The following PITPNC1 variants were observed in gnomAD, a reference collection of about 807,000 sequenced individuals.
The protein encoded by PITPNC1 is cytoplasmic phosphatidylinositol transfer protein 1.
PITPNC1 carries 18 observed loss-of-function variants against 44.7 expected under a neutral mutation model. The observed-to-expected ratio is 0.40, with a 90% CI of 0.28 to 0.60. The LOEUF (loss-of-function observed/expected upper bound fraction) is 0.60. Ranked by LOEUF, PITPNC1 falls within the 20% of genes least tolerant of loss-of-function variation. The probability of loss-of-function intolerance (pLI) is 0.39; values close to 1 mark genes in which losing one functional copy is unlikely to be tolerated. For synonymous variants in PITPNC1, 141 were observed against 149.6 expected, an observed-to-expected ratio of 0.94 and a Z score of 0.42; for missense variants, 290 against 418.4, an observed-to-expected ratio of 0.69 and a Z score of 2.68.
At chr17:67,602,671 G>T (rs2041556861) in intron 5 of PITPNC1, among the ~76,000 whole-genome samples, 1 of 152,146 alleles carries the variant, frequency 6.6e-6, no homozygotes. Context: ...TAGAAAGCAG[G>T]GGCCTGGAGG....
At chr17:67,529,344 G>A (rs1034759639) in intron 1 of PITPNC1, among the ~76,000 whole-genome samples, 1 of 152,142 alleles carries the variant, frequency 6.6e-6, no homozygotes, top group Non-Finnish European at 1.5e-5. Flanking sequence ...AGTGCCTGAA[G>A]ATGGTCCAGT....
chr17:67,433,910 CATAATAATA>C (rs368751732), intron 1 of PITPNC1, among the ~76,000 whole-genome samples: 4 of 151,092 alleles, frequency 2.6e-5, no homozygotes, highest in African/African-American at 9.7e-5. Context: ...TCCTCCTCCC[CATAATAATA>C]ATAATAATAA....
At chr17:67,384,499 C>T (rs1366481148) in intron 1 of PITPNC1, among the ~76,000 whole-genome samples, 2 of 151,750 alleles carry the variant, frequency 1.3e-5, no homozygotes, top group African/African-American at 2.4e-5. Flanking sequence ...GATCTCGGCT[C>T]ACTGCAAGCT....
intron 8 of PITPNC1, among the ~76,000 whole-genome samples, chr17:67,675,845 A>G (rs2042591361): frequency 6.6e-6 from 1 of 152,130 alleles, no homozygotes; most frequent in African/African-American, 2.4e-5. Flanking sequence ...TTTATCCCAA[A>G]CTTCAAGATC....
chr17:67,532,184 G>A (rs940916305), intron 1 of PITPNC1, among the ~76,000 whole-genome samples: 11 of 152,160 alleles, frequency 7.2e-5, no homozygotes, highest in Non-Finnish European at 1.2e-4. Flanking sequence ...GGAGAGGAGC[G>A]GCCTTCAGGG....
chr17:67,415,385 C>T (rs1442585752), intron 1 of PITPNC1, among the ~76,000 whole-genome samples: 1 of 152,188 alleles, frequency 6.6e-6, no homozygotes. Flanking sequence ...AGTTTCCTAA[C>T]AAGACGCACG....
At chr17:67,637,451 C>T (rs12948236) in intron 6 of PITPNC1, among the ~76,000 whole-genome samples, 63,983 of 151,778 alleles carry the variant, frequency 0.42, 16,220 homozygotes, top group Non-Finnish European at 0.57. Context: ...CTGATGAACC[C>T]AGACCAGGGT....
rs1368393661 is a variant in PITPNC1 at position 67,676,206 on chromosome 17, C to T, written c.682+664C>T. On this transcript the variant is annotated intron_variant, in intron 8 of 8. Coordinates refer to ENST00000581322, the MANE Select transcript of PITPNC1 (RefSeq NM_012417.4). The surrounding 1 kb of genome is among the most constrained non-coding windows in gnomAD (Gnocchi z 4.0). ...TGGGGGACAGAGCGAGACTCCGTCTCGGAAAAAAAAAAAAAAGAAAGAAAG... is the reference window on the plus strand; with the variant it reads ...TGGGGGACAGAGCGAGACTCCGTCTTGGAAAAAAAAAAAAAAGAAAGAAAG... Among the ~76,000 whole-genome samples the T allele has an allele frequency of 5.6e-5, 8 of 141,752 alleles. No individual in the cohort carries two copies. In the South Asian group the frequency reaches 6.5e-4, roughly 12 times the overall value. 93.0% of individuals were successfully genotyped at this position (141,752 alleles called of 152,430 possible).
intron 6 of PITPNC1, among the ~76,000 whole-genome samples, chr17:67,650,959 G>C (rs1250229301): frequency 1.3e-5 from 2 of 152,170 alleles, no homozygotes. Context: ...TCCTTTAAGA[G>C]AGTCATTTTG....
rs1035694635 is a variant in PITPNC1, at chr17:67,632,712, C to T, written c.462+474C>T. Among the ~76,000 whole-genome samples, 9 of 151,694 alleles carry T rather than the reference C, an allele frequency of 5.9e-5. No homozygotes were observed. In the East Asian group the frequency reaches 1.5e-3, roughly 26 times the overall value. Reference sequence around the variant, plus strand: ...CCTCCTGAGTATGTGGGATTACAGGCGCCCACCACCATACCTGGCTAATTT... The same window carrying T: ...CCTCCTGAGTATGTGGGATTACAGGTGCCCACCACCATACCTGGCTAATTT... On this transcript the variant is annotated intron_variant, in intron 6 of 8. Transcript: ENST00000581322.
chr17:67,567,765 G>A (rs2144206160), intron 4 of PITPNC1, among the ~76,000 whole-genome samples: 1 of 152,182 alleles, frequency 6.6e-6, no homozygotes, highest in African/African-American at 2.4e-5. Context: ...ACGAGGTCAG[G>A]AGTTTGAGAC....
At chr17:67,599,032 A>ATTT (rs1185599667) in intron 5 of PITPNC1, among the ~76,000 whole-genome samples, 1 of 29,302 alleles carries the variant, frequency 3.4e-5, no homozygotes, top group African/African-American at 1.6e-4. Flanking sequence ...ATATATATAT[A>ATTT]TATTTTTTTT....
At chr17:67,641,414 C>T (rs765258980) in intron 6 of PITPNC1, among the ~76,000 whole-genome samples, 4 of 152,270 alleles carry the variant, frequency 2.6e-5, no homozygotes, top group African/African-American at 4.8e-5. Flanking sequence ...CACACCATCT[C>T]GCAACATGCA....
chr17:67,473,393 A>G (rs1368136894), intron 1 of PITPNC1, among the ~76,000 whole-genome samples: 3 of 151,310 alleles, frequency 2.0e-5, no homozygotes, highest in Non-Finnish European at 4.4e-5. Flanking sequence ...CAGTGGCACA[A>G]TCTCGGCTCA....
At chr17:67,395,170 CTTTTTTT>C (rs902427835) in intron 1 of PITPNC1, among the ~76,000 whole-genome samples, 1 of 140,978 alleles carries the variant, frequency 7.1e-6, no homozygotes, top group Non-Finnish European at 1.6e-5. Context: ...CAGGTTTTTT[CTTTTTTT>C]TTTTTTTAGA....
At chr17:67,604,752 C>T (rs2041587550) in intron 5 of PITPNC1, among the ~76,000 whole-genome samples, 1 of 151,910 alleles carries the variant, frequency 6.6e-6, no homozygotes, top group Admixed American at 6.6e-5. Context: ...CACTGCACTC[C>T]AGCCTGGACA....
rs547041961 is a variant in PITPNC1 at position 67,474,818 on chromosome 17, C to T, written c.49-57984C>T. Among the ~76,000 whole-genome samples, 50 of 151,366 alleles carry T rather than the reference C, an allele frequency of 3.3e-4. No homozygotes were observed. The East Asian group carries it at 7.2e-3, about 22-fold the overall frequency. ...TGCAGGTGCACACCACCATGCCCGG[C>T]GGCTTTTTTTTTTTTCTTGAAGAGG... On this transcript the variant is annotated intron_variant, in intron 1 of 8. Transcript: ENST00000581322.
chr17:67,492,867 A>G (rs891766), intron 1 of PITPNC1, among the ~76,000 whole-genome samples: 16,484 of 152,156 alleles, frequency 0.11, 1,187 homozygotes, highest in Middle Eastern at 0.2. Flanking sequence ...GTAGTGTTCC[A>G]CGGTGTGAAT....
chr17:67,577,644 TTTAAAAATAAATTTATGTTTTAAAAA>T (rs1165251304), intron 4 of PITPNC1, among the ~76,000 whole-genome samples: 12 of 151,360 alleles, frequency 7.9e-5, no homozygotes, highest in African/African-American at 2.4e-4. Flanking sequence ...TTTATTTTAC[TTTAAAAATAAATTTATGTTTTAAAAA>T]TTAAAAATAA....
Sources: gnomAD v4.1 joint callset for allele counts (sites outside exome capture counted in the v4.1 genomes callset) on GRCh38, gnomAD v4.1.1 for gene constraint, Gnocchi (gnomAD v3.1) non-coding constraint, MANE v1.5 for transcripts, NCBI Gene and HGNC (gene_info 2026-07-23, HGNC 2026-07-21) for gene names.